The following SAMD11 variants were observed in gnomAD, a reference collection of about 807,000 sequenced individuals.
The protein encoded by SAMD11 is sterile alpha motif domain-containing protein 11.
Under a neutral mutation model 64.4 loss-of-function variants are expected in SAMD11, and 77 were observed. The observed-to-expected ratio is 1.20, with a 90% CI of 0.99 to 1.44. The LOEUF (loss-of-function observed/expected upper bound fraction) is 1.44. SAMD11 is among the 40% of genes most tolerant of loss of function. The probability of loss-of-function intolerance (pLI) is 0.00; values close to 1 mark genes in which losing one functional copy is unlikely to be tolerated. For synonymous variants in SAMD11, 658 were observed against 421.9 expected, an observed-to-expected ratio of 1.56 and a Z score of -6.86; for missense variants, 1,402 against 943.3, an observed-to-expected ratio of 1.49 and a Z score of -6.37.
intron 4 of SAMD11, among the ~76,000 whole-genome samples, 155 bp from the exon 5 acceptor site, chr1:935,617 C>A (rs1032375038): frequency 6.6e-6 from 1 of 152,184 alleles, no homozygotes; most frequent in African/African-American, 2.4e-5. Flanking sequence ...CACACAGTGG[C>A]GTCACGGGCC....
At chr1:927,123 A>G (rs1023498701) in intron 2 of SAMD11, among the ~76,000 whole-genome samples, 1 of 152,140 alleles carries the variant, frequency 6.6e-6, no homozygotes, top group Non-Finnish European at 1.5e-5. Flanking sequence ...CTGACACACA[A>G]TCCGACATGG....
chr1:935,578 C>A (rs1457349372), intron 4 of SAMD11, among the ~76,000 whole-genome samples, 194 bp from the exon 5 acceptor site: 2 of 152,208 alleles, frequency 1.3e-5, no homozygotes, highest in Non-Finnish European at 2.9e-5. Flanking sequence ...GGTTCTGTGT[C>A]GCTTTGACTC....
In SAMD11 at chr1:928,729, ACC is replaced by A. The variant is rs1478476969; in HGVS notation, c.610-1424_610-1423del. Among the ~76,000 whole-genome samples the A allele has an allele frequency of 5.3e-5, 8 of 152,276 alleles. No homozygotes were observed. The East Asian group carries it at 1.4e-3, about 26-fold the overall frequency. ...AGCTGTCGTGGAGAGAGCAGAGGGG[ACC>A]CAGCGCAGGCCCAGTGGCCGGTGAG... is the stretch of plus-strand genomic sequence containing the variant. On this transcript the variant is annotated intron_variant, in intron 2 of 13. Transcript: ENST00000616016.
rs769307110 is a variant in SAMD11, at chr1:935,752, T to C, written c.843-20T>C. The C allele has an allele frequency of 6.8e-6, 11 of 1,612,842 alleles. No homozygotes were observed. The East Asian group carries it at 2.0e-4, about 29-fold the overall frequency. ...TCGCAGCTGCCCACGGGGTCAGCTT[T>C]TCCCGGTCTCGTTCTGCAGCCAGGA... is the stretch of plus-strand genomic sequence containing the variant. On this transcript the variant is annotated intron_variant, in intron 4 of 13. Coordinates refer to ENST00000616016, the MANE Select transcript of SAMD11 (RefSeq NM_001385641.1).
chr1:933,044 G>A (rs1351601496), intron 4 of SAMD11, among the ~76,000 whole-genome samples: 1 of 152,140 alleles, frequency 6.6e-6, no homozygotes, highest in African/African-American at 2.4e-5. Context: ...TGCGCCTCCT[G>A]CCCCAGCCCT....
At chr1:943,087 C>T (rs755903005) in intron 11 of SAMD11, 29 bp downstream of exon 11, 175 of 1,547,894 alleles carry the variant, frequency 1.1e-4, no homozygotes, top group Non-Finnish European at 1.5e-4. Flanking sequence ...TAGATCCTTC[C>T]AGAGGGCACA....
intron 8 of SAMD11, 144 bp from the exon 9 acceptor site, chr1:941,991 GA>G (rs528160414): frequency 1.7e-3 from 637 of 381,320 alleles, no homozygotes; most frequent in Non-Finnish European, 2.3e-3. Flanking sequence ...CGGGGGCGGG[GA>G]TGGCGCGCGA....
chr1:936,008 C>G, intron 5 of SAMD11, 112 bp downstream of exon 5: 1 of 1,144,966 alleles, frequency 8.7e-7, no homozygotes. Context: ...GCAGGAGGAG[C>G]GGCCTGTCCC....
rs1011456326 is a variant in SAMD11, at chr1:942,206, A to C, written c.1429A>C (p.Arg477=). ...TCACGTCGCCCTGGGCCCCCATCTC[A>C]GGCCCCCCTTCCTGGGGGTGCCCTC... ...APHVALGPHL[R]PPFLGVPSAL... is the part of the protein sequence containing the mutation. Residue 477 remains arginine, a synonymous_variant, in exon 9 of 14, where the codon AGG becomes CGG. Transcript: ENST00000616016. The C allele has an allele frequency of 1.5e-6, 2 of 1,363,708 alleles. No homozygotes were observed. Among genetic ancestry groups the C allele is most frequent in the Non-Finnish European group, 9.5e-7 (1 of 1,052,680 alleles). The allele number at this position is 1,363,708 out of a possible 1,614,324, so 84.5% of individuals were successfully genotyped here.
chr1:925,376 C>G (rs1640828818), intron 1 of SAMD11, among the ~76,000 whole-genome samples: 1 of 146,806 alleles, frequency 6.8e-6, no homozygotes, highest in South Asian at 2.1e-4. Flanking sequence ...CGCGCGGAGC[C>G]CGAGCGGCGG....
In SAMD11 at chr1:944,410, CTGGAACT is replaced by C. The variant is rs913881084; in HGVS notation, c.*258_*264del. On this transcript the variant is annotated 3_prime_UTR_variant, in exon 14 of 14. Coordinates refer to ENST00000616016, the MANE Select transcript of SAMD11 (RefSeq NM_001385641.1). Reference sequence around the variant, plus strand: ...GGGCCAGGGGCCTGCAGGCCTCCCCCTGGAACTGGGACTGGTCTCGGTCTGCTGACGT... The same window carrying C: ...GGGCCAGGGGCCTGCAGGCCTCCCCCGGGACTGGTCTCGGTCTGCTGACGT... 8.6e-7 allele frequency: 1 copy of C among 1,161,548 alleles called. No individual in the cohort carries two copies. The allele number at this position is 1,161,548 out of a possible 1,614,324, so 72.0% of individuals were successfully genotyped here. A position where few individuals can be genotyped will look rare whatever the true frequency, so the allele number is the denominator to read the frequency against.
rs755537511 is a variant in SAMD11 at position 943,145 on chromosome 1, C to T, written c.2053+87C>T. ...AGGGTCTTGGGGGGAGGAAAAATTC[C>T]CCTTAGGCACCCATCCCCCACCTCA... On this transcript the variant is annotated intron_variant, in intron 11 of 13. Coordinates refer to ENST00000616016, the MANE Select transcript of SAMD11 (RefSeq NM_001385641.1). 2.6e-5 allele frequency: 41 copies of T among 1,578,838 alleles called. 1 individual carries two copies. The highest frequency in any genetic ancestry group is 8.2e-5 in the South Asian group (7 of 85,694).
chr1:935,093 C>T (rs1641360129), intron 4 of SAMD11, among the ~76,000 whole-genome samples: 1 of 152,110 alleles, frequency 6.6e-6, no homozygotes, highest in Admixed American at 6.5e-5. Flanking sequence ...TCATTGCTCT[C>T]TGGGACTCTG....
In SAMD11 at chr1:939,270, A is replaced by G. The variant is rs1233889919; in HGVS notation, c.1058-5A>G. The G allele has an allele frequency of 1.3e-6, 2 of 1,593,462 alleles. No homozygotes were observed. The highest frequency in any genetic ancestry group is 1.7e-6 in the Non-Finnish European group (2 of 1,170,590). On this transcript the variant is annotated splice_region_variant and splice_polypyrimidine_tract_variant and intron_variant, in intron 6 of 13. Coordinates refer to ENST00000616016, the MANE Select transcript of SAMD11 (RefSeq NM_001385641.1). ...AAACCTCTCACCCCGGGTCCTCCCC[A>G]GCAGAGGCGCTGCTGCTGCCGCGGG...
chr1:941,751 G>GGGC (rs1035591641), intron 8 of SAMD11, among the ~76,000 whole-genome samples: 1 of 152,096 alleles, frequency 6.6e-6, no homozygotes, highest in African/African-American at 2.4e-5. Context: ...GAGAAGGGAG[G>GGGC]GGCCGCCTGA....
rs1414387212 is a variant in SAMD11, at chr1:942,988, G to A, written c.1983G>A (p.Gly661=). The part of the protein sequence containing the change: ...QAPAGGAGAE[G]KGLFPGSTLP... Reference sequence around the variant, plus strand: ...CAGCTGGAGGGGCCGGCGCCGAGGGGAAGGGGCTTTTCCCAGGGTCCACAC... The same window carrying A: ...CAGCTGGAGGGGCCGGCGCCGAGGGAAAGGGGCTTTTCCCAGGGTCCACAC... The change falls in exon 11 of 14, where the codon GGG becomes GGA. Residue 661 remains glycine (G), a synonymous_variant. Coordinates refer to ENST00000616016, the MANE Select transcript of SAMD11 (RefSeq NM_001385641.1). 2 of 1,538,304 alleles carry A rather than the reference G, an allele frequency of 1.3e-6. No individual in the cohort carries two copies. The highest frequency in any genetic ancestry group is 1.7e-6 in the Non-Finnish European group (2 of 1,145,676).
intron 2 of SAMD11, among the ~76,000 whole-genome samples, chr1:927,149 C>G (rs939230984): frequency 2.6e-5 from 4 of 152,226 alleles, no homozygotes; most frequent in African/African-American, 9.6e-5. Context: ...CACGCACAGG[C>G]AGGCAGCTCA....
intron 4 of SAMD11, 138 bp downstream of exon 4, chr1:931,227 G>A: frequency 1.2e-6 from 1 of 845,576 alleles, no homozygotes; most frequent in East Asian, 2.7e-5. Context: ...TGTCTGCCAG[G>A]TTTGACATGT....
intron 8 of SAMD11, among the ~76,000 whole-genome samples, chr1:941,860 G>C (rs1207960731): frequency 6.6e-6 from 1 of 152,132 alleles, no homozygotes; most frequent in East Asian, 1.9e-4. Flanking sequence ...CCCGCCGCTC[G>C]GGTCCGCAGG....
Sources: gnomAD v4.1 joint callset for allele counts (sites outside exome capture counted in the v4.1 genomes callset) on GRCh38, gnomAD v4.1.1 for gene constraint, MANE v1.5 for transcripts, NCBI Gene and HGNC (gene_info 2026-07-23, HGNC 2026-07-21) for gene names.